Variants in GAPVD1 observed in about 807,000 individuals in gnomAD.
GAPVD1 encodes GTPase activating protein and VPS9 domains 1, also known as GTPase-activating protein and VPS9 domain-containing protein 1.
In GAPVD1, 35 loss-of-function variants were observed where a neutral mutation model predicts 155.5. The ratio of observed to expected loss-of-function variants is 0.23; its 90% confidence interval spans 0.17 to 0.30. The LOEUF (loss-of-function observed/expected upper bound fraction) is 0.30, where lower values mean the gene tolerates loss of function less well. Ranked by LOEUF, GAPVD1 falls within the 10% of genes least tolerant of loss-of-function variation. The pLI is 1.00. For synonymous variants in GAPVD1, 636 were observed against 619.7 expected (o/e 1.03, Z -0.39); for missense variants, 1,429 against 1,775.7 (o/e 0.80, Z 3.51).
intron 4 of GAPVD1, 27 bp from the exon 5 acceptor site, chr9:125,301,955 TG>T (rs1840959373): frequency 6.7e-7 from 1 of 1,490,954 alleles, no homozygotes; most frequent in Admixed American, 2.2e-5. Context: ...TTATTTTGCT[TG>T]TTTGCTCTTT....
In GAPVD1 at chr9:125,367,137, C is replaced by T. The variant is rs1851508950; in HGVS notation, c.*4391C>T. 1 of 152,178 alleles carries T rather than the reference C, an allele frequency of 6.6e-6. No individual in the cohort carries two copies. The highest frequency in any genetic ancestry group is 1.5e-5 in the Non-Finnish European group (1 of 68,028). The allele number at this position is 152,178 out of a possible 1,614,324, so 9.4% of individuals were successfully genotyped here. On this transcript the variant is annotated 3_prime_UTR_variant, in exon 28 of 28. Transcript: ENST00000297933. ...TATGTACAGGAAACCCCTCCTGTCT[C>T]CTAATGTGATTAGTACTGTAAAATA...
chr9:125,341,893 C>T (rs1413259197), intron 18 of GAPVD1: 1 of 181,594 alleles, frequency 5.5e-6, no homozygotes, highest in Non-Finnish European at 1.1e-5. Flanking sequence ...TCACGCCATA[C>T]TCAAGCGCTT....
intron 2 of GAPVD1, among the ~76,000 whole-genome samples, chr9:125,275,396 T>G (rs934212974): frequency 6.6e-6 from 1 of 152,218 alleles, no homozygotes; most frequent in African/African-American, 2.4e-5. Flanking sequence ...ATTTTTTTGA[T>G]GGACATCTTT....
intron 2 of GAPVD1, among the ~76,000 whole-genome samples, chr9:125,290,468 A>G (rs987308652): frequency 6.6e-6 from 1 of 152,214 alleles, no homozygotes; most frequent in Non-Finnish European, 1.5e-5. Context: ...ATAGATGTAG[A>G]TAAGTCAATG....
At chr9:125,278,109 G>A (rs970727916) in intron 2 of GAPVD1, among the ~76,000 whole-genome samples, 5 of 152,204 alleles carry the variant, frequency 3.3e-5, no homozygotes, top group African/African-American at 1.2e-4. Flanking sequence ...TCTGTAAGGA[G>A]AAGTAAATGT....
chr9:125,271,350 A>AAC (rs1834889570), intron 2 of GAPVD1, among the ~76,000 whole-genome samples: 1 of 151,688 alleles, frequency 6.6e-6, no homozygotes, highest in African/African-American at 2.4e-5. Context: ...TTTCCTTACC[A>AAC]ACTTATGTGT....
intron 20 of GAPVD1, among the ~76,000 whole-genome samples, chr9:125,348,022 T>C (rs570309144): frequency 6.6e-6 from 1 of 151,226 alleles, no homozygotes; most frequent in African/African-American, 2.4e-5. Flanking sequence ...ATATAGAGAG[T>C]GTGTGTGTGT....
At position 125,332,054 on chromosome 9, in the gene GAPVD1, G is replaced by A. The variant is rs373475546; in HGVS notation, c.2302G>A (p.Val768Met). 17 of 1,614,100 alleles carry A rather than the reference G, an allele frequency of 1.1e-5. No individual in the cohort carries two copies. The highest frequency in any genetic ancestry group is 2.2e-5 in the East Asian group (1 of 44,886). ...CCCCAGCACACCAGGCCTCAGTGTT[G>A]TGTCCGGTATGTCTGTCTTGTTTTA... Reference protein sequence around the residue: ...SRPSTPGLSVVSGISATSEDI... With the variant: ...SRPSTPGLSVMSGISATSEDI... Residue 768 changes from valine to methionine, a missense_variant, in exon 14 of 28, where the codon GTG becomes ATG. Val to Met is a conservative substitution (Grantham distance 21). Transcript: ENST00000297933.
chr9:125,280,382 G>A (rs1174406522), intron 2 of GAPVD1, among the ~76,000 whole-genome samples: 1 of 77,912 alleles, frequency 1.3e-5, no homozygotes, highest in Non-Finnish European at 2.3e-5. Context: ...GGCAACAAGA[G>A]CAAAAGTCCA....
chr9:125,265,924 TAA>T (rs1294990326), intron 1 of GAPVD1, among the ~76,000 whole-genome samples: 12 of 72,658 alleles, frequency 1.7e-4, no homozygotes, highest in Admixed American at 8.6e-4. Flanking sequence ...AAAAAATTTA[TAA>T]AAAAAAAAAA....
At chr9:125,285,900 C>T (rs1837616170) in intron 2 of GAPVD1, among the ~76,000 whole-genome samples, 1 of 151,888 alleles carries the variant, frequency 6.6e-6, no homozygotes, top group African/African-American at 2.4e-5. Flanking sequence ...CATTGACCTC[C>T]CTGCTCAAGT....
intron 4 of GAPVD1, among the ~76,000 whole-genome samples, chr9:125,299,442 G>C (rs925130530): frequency 1.3e-5 from 2 of 152,136 alleles, no homozygotes; most frequent in African/African-American, 4.8e-5. Flanking sequence ...TGGATCATGA[G>C]GGCAGGAGTT....
Position 125,351,122 on chromosome 9 carries a change from G to A in GAPVD1, c.3569+250G>A, listed in dbSNP as rs139161197. On this transcript the variant is annotated intron_variant, in intron 23 of 27. Transcript: ENST00000297933. Reference sequence around the variant, plus strand: ...GGCTGGGAGGCCTCACAATCATGGCGGAAGGTGAAAGGCACATCTCACATG... The same window carrying A: ...GGCTGGGAGGCCTCACAATCATGGCAGAAGGTGAAAGGCACATCTCACATG... Among the ~76,000 whole-genome samples, 788 of 152,268 alleles carry A rather than the reference G, an allele frequency of 5.2e-3. 9 individuals carry two copies. The highest frequency in any genetic ancestry group is 0.017 in the African/African-American group (715 of 41,550).
At chr9:125,353,229 A>G (rs192338970) in intron 23 of GAPVD1, among the ~76,000 whole-genome samples, 73 of 152,348 alleles carry the variant, frequency 4.8e-4, no homozygotes, top group Non-Finnish European at 4.4e-4. Context: ...AAGTTCCACA[A>G]ATCTCTAGGG....
At chr9:125,263,847 G>A in intron 1 of GAPVD1, 2 of 1,225,962 alleles carry the variant, frequency 1.6e-6, no homozygotes, top group Non-Finnish European at 1.2e-6. Flanking sequence ...CAGTCTCCGG[G>A]GGGCAGATGA....
At position 125,312,423 on chromosome 9, in the gene GAPVD1, A is replaced by G. The variant is rs1188471757; in HGVS notation, c.1442-29A>G. ...ATTTTCTTCATTTGTCTATTTCTCT[A>G]AATTATTTTATTTGAAATTTTTTAT... is the stretch of plus-strand genomic sequence containing the variant. On this transcript the variant is annotated intron_variant, in intron 8 of 27. Transcript: ENST00000297933. 9 of 1,449,242 alleles carry G rather than the reference A, an allele frequency of 6.2e-6. No individual in the cohort carries two copies. The South Asian group carries it at 6.7e-5, about 11-fold the overall frequency. 89.8% of individuals were successfully genotyped at this position (1,449,242 alleles called of 1,614,324 possible).
chr9:125,290,868 C>T (rs923813980), intron 2 of GAPVD1, among the ~76,000 whole-genome samples: 1 of 151,364 alleles, frequency 6.6e-6, no homozygotes, highest in Admixed American at 6.6e-5. Context: ...GTGGTGCATG[C>T]CTGTGGTCCC....
rs756106673 is a variant in GAPVD1 at position 125,305,059 on chromosome 9, G to T, written c.1030-4G>T. Reference sequence around the variant, plus strand: ...TGTCTCCCTACCACTGCTTTGGGTTGCAGGTAGGCCGCCTTTTGCAGCAGT... The same window carrying T: ...TGTCTCCCTACCACTGCTTTGGGTTTCAGGTAGGCCGCCTTTTGCAGCAGT... On this transcript the variant is annotated splice_region_variant and splice_polypyrimidine_tract_variant and intron_variant, in intron 5 of 27. Coordinates refer to ENST00000297933, the MANE Select transcript of GAPVD1 (RefSeq NM_001282680.3). The T allele has an allele frequency of 6.2e-7, 1 of 1,608,664 alleles. No homozygotes were observed.
At position 125,307,687 on chromosome 9, in the gene GAPVD1, C is replaced by T; in HGVS notation, c.1252-4C>T. ...CATTAGCTAATGTTCTTTGCTTTTG[C>T]CAGGTGAATTTTATGAAGAGTGTGA... On this transcript the variant is annotated splice_region_variant and splice_polypyrimidine_tract_variant and intron_variant, in intron 7 of 27. Coordinates refer to ENST00000297933, the MANE Select transcript of GAPVD1 (RefSeq NM_001282680.3). 1 of 1,610,660 alleles carries T rather than the reference C, an allele frequency of 6.2e-7. No individual in the cohort carries two copies. Among genetic ancestry groups the T allele is most frequent in the Non-Finnish European group, 8.5e-7 (1 of 1,177,138 alleles).
Sources: gnomAD v4.1 joint callset for allele counts (sites outside exome capture counted in the v4.1 genomes callset) on GRCh38, gnomAD v4.1.1 for gene constraint, MANE v1.5 for transcripts, NCBI Gene and HGNC (gene_info 2026-07-23, HGNC 2026-07-21) for gene names.